Variants in ZC3H12B observed in about 807,000 individuals in gnomAD.
ZC3H12B encodes the protein zinc finger CCCH-type containing 12B.
In ZC3H12B, 7 loss-of-function variants were observed where a neutral mutation model predicts 43.9. The observed-to-expected ratio is 0.16, with a 90% CI of 0.09 to 0.30. ZC3H12B has a LOEUF of 0.30. ZC3H12B is among the 10% of genes least tolerant of loss of function. The pLI is 1.00. For synonymous variants in ZC3H12B, 222 were observed against 241.7 expected, an observed-to-expected ratio of 0.92 and a Z score of 0.76; for missense variants, 475 against 670.2, an observed-to-expected ratio of 0.71 and a Z score of 3.22.
the ZC3H12B span, chrX:65,185,050 G>A: frequency 9.0e-6 from 1 of 111,233 alleles, no homozygotes; most frequent in Non-Finnish European, 1.9e-5. Flanking sequence ...AGATCTCCAT[G>A]CTCTTCACTG....
intron 3 of ZC3H12B, chrX:65,469,520 G>T: frequency 2.9e-6 from 1 of 343,978 alleles, no homozygotes; most frequent in Non-Finnish European, 5.4e-6. Context: ...TAAAATTCCA[G>T]CATGTTGCTC....
the ZC3H12B span, among the ~76,000 whole-genome samples, chrX:65,290,169 A>G: frequency 2.7e-5 from 3 of 111,205 alleles, no homozygotes; most frequent in African/African-American, 6.5e-5. Context: ...ATGTGGGCAA[A>G]GAACATGAAT....
chrX:65,158,239 G>T, the ZC3H12B span, among the ~76,000 whole-genome samples: 2 of 110,600 alleles, frequency 1.8e-5, no homozygotes. Flanking sequence ...ACATACGTGT[G>T]TATGTGTCTT....
chrX:65,479,367 ATTTT>A (rs57725933), intron 3 of ZC3H12B, among the ~76,000 whole-genome samples: 1 of 91,901 alleles, frequency 1.1e-5, no homozygotes. Flanking sequence ...CACTATTTGT[ATTTT>A]TTTTTTTTTT....
the ZC3H12B span, among the ~76,000 whole-genome samples, chrX:65,153,260 G>T: frequency 8.9e-6 from 1 of 112,030 alleles, no homozygotes; most frequent in African/African-American, 3.2e-5. Context: ...AAGAGCTTCT[G>T]CATAGCAAAA....
At chrX:65,110,390 C>CT in the ZC3H12B span, among the ~76,000 whole-genome samples, 3,046 of 96,278 alleles carry the variant, frequency 0.032, 96 homozygotes, top group African/African-American at 0.087. Context: ...TTTTCTTCTG[C>CT]TTTTTTTTTT....
At chrX:65,179,267 G>A in the ZC3H12B span, among the ~76,000 whole-genome samples, 2 of 109,617 alleles carry the variant, frequency 1.8e-5, no homozygotes, top group Admixed American at 9.9e-5. Flanking sequence ...GGGTGTTGGG[G>A]GTAAGGGGAG....
the ZC3H12B span, among the ~76,000 whole-genome samples, chrX:65,079,885 C>A: frequency 9.0e-6 from 1 of 110,844 alleles, no homozygotes; most frequent in Non-Finnish European, 1.9e-5. Flanking sequence ...AAATAAACCA[C>A]CAGGGGCTAA....
At chrX:65,399,234 A>G (rs1405458872) in intron 3 of ZC3H12B, among the ~76,000 whole-genome samples, 2 of 112,581 alleles carry the variant, frequency 1.8e-5, no homozygotes, top group African/African-American at 6.4e-5. Context: ...AACAAAATGC[A>G]CAGACAACCT....
At chrX:65,183,464 ATACTC>A in the ZC3H12B span, among the ~76,000 whole-genome samples, 2 of 111,260 alleles carry the variant, frequency 1.8e-5, no homozygotes, top group Non-Finnish European at 3.8e-5. Flanking sequence ...ATTGGGTACT[ATACTC>A]ATCATCTGAG....
chrX:65,304,885 G>A, the ZC3H12B span, among the ~76,000 whole-genome samples: 1 of 111,112 alleles, frequency 9.0e-6, no homozygotes, highest in Non-Finnish European at 1.9e-5. Flanking sequence ...TAAAAATATT[G>A]TAAAGACAAG....
chrX:65,098,614 G>A, the ZC3H12B span, among the ~76,000 whole-genome samples: 37 of 110,118 alleles, frequency 3.4e-4, no homozygotes, highest in Admixed American at 3.2e-3. Context: ...AAGCAGGGTG[G>A]GGTGTCACCT....
the ZC3H12B span, among the ~76,000 whole-genome samples, chrX:65,311,651 C>A: frequency 6.3e-5 from 7 of 111,653 alleles, no homozygotes; most frequent in African/African-American, 2.3e-4. Context: ...TGTATATATA[C>A]CCAAAGGATT....
At chrX:65,178,072 CAAAT>C in the ZC3H12B span, among the ~76,000 whole-genome samples, 1 of 111,762 alleles carries the variant, frequency 8.9e-6, no homozygotes, top group African/African-American at 3.2e-5. Flanking sequence ...GATACATAGA[CAAAT>C]AAAACAGAAC....
At chrX:65,424,511 T>C (rs1189404215) in intron 3 of ZC3H12B, among the ~76,000 whole-genome samples, 1 of 112,550 alleles carries the variant, frequency 8.9e-6, no homozygotes. Flanking sequence ...TTGCAATTGC[T>C]TTTGGTGTCT....
At chrX:65,401,548 G>C (rs889491370) in intron 3 of ZC3H12B, among the ~76,000 whole-genome samples, 3 of 111,797 alleles carry the variant, frequency 2.7e-5, no homozygotes, top group Admixed American at 9.4e-5. Flanking sequence ...GGGCTAAACT[G>C]AGCCCAGAGA....
the ZC3H12B span, among the ~76,000 whole-genome samples, chrX:65,246,622 T>G: frequency 1.8e-5 from 2 of 112,117 alleles, no homozygotes; most frequent in Non-Finnish European, 3.8e-5. Context: ...CTGCAACTAT[T>G]CAGTCTTCAA....
the ZC3H12B span, among the ~76,000 whole-genome samples, chrX:65,329,738 G>A: frequency 9.0e-6 from 1 of 111,429 alleles, no homozygotes; most frequent in African/African-American, 3.3e-5. Flanking sequence ...AAGGTGTAAG[G>A]AAGGGATCCA....
At chrX:65,308,612 T>G in the ZC3H12B span, among the ~76,000 whole-genome samples, 15 of 111,508 alleles carry the variant, frequency 1.3e-4, no homozygotes, top group Admixed American at 4.8e-4. Flanking sequence ...ATCCAGGACT[T>G]GAACTCAGCT....
Sources: gnomAD v4.1 joint callset for allele counts (sites outside exome capture counted in the v4.1 genomes callset) on GRCh38, gnomAD v4.1.1 for gene constraint, MANE v1.5 for transcripts, NCBI Gene and HGNC (gene_info 2026-07-23, HGNC 2026-07-21) for gene names.